The following ENOX2 variants were observed in gnomAD, a reference collection of about 807,000 sequenced individuals.
ENOX2 encodes APK1 antigen.
ENOX2 carries 36 observed loss-of-function variants against 45.0 expected under a neutral mutation model. That is an observed-to-expected ratio of 0.80 (90% CI 0.61 to 1.06). ENOX2 has a LOEUF of 1.06. Among genes scored for constraint, ENOX2 ranks in the 50% least tolerant of loss-of-function variants. ENOX2 has a pLI of 0.00. For synonymous variants in ENOX2, 174 were observed against 152.3 expected, an observed-to-expected ratio of 1.14 and a Z score of -1.05; for missense variants, 423 against 462.5, an observed-to-expected ratio of 0.91 and a Z score of 0.78.
chrX:130,861,392 T>TAC lies in ENOX2; in HGVS notation c.-183+40290_-183+40291dup, dbSNP rs368325964. On this transcript the variant is annotated intron_variant, in intron 2 of 14. Transcript: ENST00000394363. ...ATGGGTAAAGAAAAGGTGGTGTACA[T>TAC]ACACACACACACACAACCAACCACA... is the stretch of plus-strand genomic sequence containing the variant. 5.1e-3 allele frequency among the ~76,000 whole-genome samples: 556 copies of TAC among 109,731 alleles called. 2 individuals are homozygous for TAC. The highest frequency in any genetic ancestry group is 0.017 in the African/African-American group (524 of 30,275).
intron 2 of ENOX2, among the ~76,000 whole-genome samples, chrX:130,873,993 T>C (rs1208181686): frequency 9.0e-6 from 1 of 110,556 alleles, no homozygotes; most frequent in African/African-American, 3.3e-5. Flanking sequence ...TGTATACCTA[T>C]GTAACAAGCC....
intron 3 of ENOX2, among the ~76,000 whole-genome samples, chrX:130,776,100 G>A (rs2039850397): frequency 9.0e-6 from 1 of 111,286 alleles, no homozygotes; most frequent in African/African-American, 3.3e-5. Context: ...AGGTCCCAAG[G>A]ACAAAAATGA....
At chrX:130,843,943 C>G (rs1296616474) in intron 2 of ENOX2, among the ~76,000 whole-genome samples, 1 of 112,036 alleles carries the variant, frequency 8.9e-6, no homozygotes, top group Non-Finnish European at 1.9e-5. Flanking sequence ...ATTTGGTGTC[C>G]GTGGCACTTA....
intron 3 of ENOX2, among the ~76,000 whole-genome samples, chrX:130,747,708 C>G (rs1362817730): frequency 1.8e-5 from 2 of 112,518 alleles, no homozygotes; most frequent in African/African-American, 3.2e-5. Flanking sequence ...CAATTAGGCT[C>G]AGCCAGAGGA....
At chrX:130,760,406 C>T (rs2039454207) in intron 3 of ENOX2, among the ~76,000 whole-genome samples, 1 of 111,046 alleles carries the variant, frequency 9.0e-6, no homozygotes, top group Non-Finnish European at 1.9e-5. Context: ...AGTGTATATC[C>T]TTGCCTTGTT....
At chrX:130,781,248 T>A (rs1047365859) in intron 3 of ENOX2, among the ~76,000 whole-genome samples, 7 of 112,055 alleles carry the variant, frequency 6.2e-5, no homozygotes, top group African/African-American at 2.3e-4. Flanking sequence ...TTTGTCCTAC[T>A]AACAAAGAAA....
intron 2 of ENOX2, among the ~76,000 whole-genome samples, chrX:130,846,078 C>T (rs2078098239): frequency 9.0e-6 from 1 of 111,077 alleles, no homozygotes; most frequent in Non-Finnish European, 1.9e-5. Context: ...ATATGATAGC[C>T]AGGCAGAGAT....
rs1379178920 is a variant in ENOX2, at chrX:130,623,972, T to C, written c.*1342A>G. 3.6e-5 allele frequency: 4 copies of C among 112,144 alleles called. No homozygotes were observed. The highest frequency in any genetic ancestry group is 7.5e-5 in the Non-Finnish European group (4 of 53,337). The allele number at this position is 112,144 out of a possible 1,213,427, so 9.2% of individuals were successfully genotyped here. Reference sequence around the variant, plus strand: ...CACTACTGGCATCTCATTTACAAAGTATTTTTGTGAAATACTCTCCATTGG... The same window carrying C: ...CACTACTGGCATCTCATTTACAAAGCATTTTTGTGAAATACTCTCCATTGG... On this transcript the variant is annotated 3_prime_UTR_variant, in exon 15 of 15. Coordinates refer to ENST00000394363, the MANE Select transcript of ENOX2 (RefSeq NM_006375.4).
intron 2 of ENOX2, among the ~76,000 whole-genome samples, chrX:130,883,354 A>AC (rs906776728): frequency 7.3e-5 from 8 of 109,384 alleles, no homozygotes; most frequent in African/African-American, 2.0e-4. Flanking sequence ...CAAGTGATCC[A>AC]CCCCCCTCGG....
chrX:130,859,937 C>T (rs773957141), intron 2 of ENOX2, among the ~76,000 whole-genome samples: 2 of 110,488 alleles, frequency 1.8e-5, no homozygotes, highest in Non-Finnish European at 3.8e-5. Context: ...TTTTCTTTGC[C>T]GGTTCCTTGT....
At chrX:130,883,044 G>T (rs2078845486) in intron 2 of ENOX2, among the ~76,000 whole-genome samples, 1 of 112,132 alleles carries the variant, frequency 8.9e-6, no homozygotes, top group Non-Finnish European at 1.9e-5. Context: ...ATACATATAA[G>T]GTATTTATAA....
chrX:130,685,657 T>C (rs1280569150), intron 5 of ENOX2, among the ~76,000 whole-genome samples: 2 of 111,964 alleles, frequency 1.8e-5, no homozygotes, highest in Non-Finnish European at 3.8e-5. Flanking sequence ...ACTATTTAAG[T>C]GAAAATGCCT....
chrX:130,762,185 T>C (rs749565611), intron 3 of ENOX2, among the ~76,000 whole-genome samples: 2 of 112,425 alleles, frequency 1.8e-5, no homozygotes, highest in Non-Finnish European at 3.8e-5. Context: ...TTCTAATGTA[T>C]ATATTTGCAA....
At chrX:130,816,570 G>A (rs925396874) in intron 2 of ENOX2, among the ~76,000 whole-genome samples, 13 of 111,804 alleles carry the variant, frequency 1.2e-4, no homozygotes, top group African/African-American at 4.2e-4. Flanking sequence ...CAGTCTCTCA[G>A]ACAACAATGC....
At chrX:130,777,754 C>G (rs1297432677) in intron 3 of ENOX2, among the ~76,000 whole-genome samples, 1 of 111,583 alleles carries the variant, frequency 9.0e-6, no homozygotes, top group Non-Finnish European at 1.9e-5. Context: ...TCTGCCCTCC[C>G]CTGGACAGTC....
intron 3 of ENOX2, among the ~76,000 whole-genome samples, chrX:130,707,850 T>C (rs140290003): frequency 8.9e-6 from 1 of 111,836 alleles, no homozygotes; most frequent in Admixed American, 9.5e-5. Context: ...TGGACTAGAG[T>C]CTAACTCTAC....
chrX:130,814,543 G>C (rs1369784347), intron 2 of ENOX2, among the ~76,000 whole-genome samples: 1 of 111,545 alleles, frequency 9.0e-6, no homozygotes, highest in African/African-American at 3.3e-5. Flanking sequence ...GCTTCAAAAG[G>C]AAAAAAGAGG....
intron 2 of ENOX2, among the ~76,000 whole-genome samples, chrX:130,848,706 G>T (rs1038102752): frequency 9.0e-6 from 1 of 111,572 alleles, no homozygotes; most frequent in South Asian, 3.7e-4. Context: ...CCTAGAAGAT[G>T]TGTCTGCAAG....
At chrX:130,772,097 C>T (rs918400620) in intron 3 of ENOX2, among the ~76,000 whole-genome samples, 1 of 112,157 alleles carries the variant, frequency 8.9e-6, no homozygotes, top group South Asian at 3.7e-4. Context: ...GCTTTCTACT[C>T]GACTGACTGG....
Sources: allele counts gnomAD v4.1 joint callset (sites outside exome capture counted in the v4.1 genomes callset), GRCh38; gene constraint gnomAD v4.1.1; transcripts MANE v1.5; gene names NCBI Gene and HGNC (gene_info 2026-07-23, HGNC 2026-07-21).